Variants in SNAP29 observed in about 807,000 individuals in gnomAD.
The protein encoded by SNAP29 is synaptosome associated protein 29, also known as synaptosomal-associated protein 29.
A neutral mutation model predicts 27.9 loss-of-function variants in SNAP29; 13 were observed. The observed-to-expected ratio is 0.47, with a 90% CI of 0.30 to 0.74. The LOEUF is 0.74. Ranked by LOEUF, SNAP29 falls within the 30% of genes least tolerant of loss-of-function variation. The pLI is 0.06. For missense variants in SNAP29, 368 were observed against 336.5 expected (o/e 1.09, Z -0.73); for synonymous variants, 119 against 127.1 (o/e 0.94, Z 0.43).
At chr22:20,875,959 A>G (rs1272374046) in intron 2 of SNAP29, among the ~76,000 whole-genome samples, 1 of 152,006 alleles carries the variant, frequency 6.6e-6, no homozygotes, top group East Asian at 1.9e-4. Context: ...CAGGAGATCG[A>G]GACCATCCTA....
chr22:20,869,467 G>T (rs2147863551), intron 1 of SNAP29, among the ~76,000 whole-genome samples: 1 of 152,298 alleles, frequency 6.6e-6, no homozygotes, highest in Middle Eastern at 3.4e-3. Context: ...CTGGGACAGG[G>T]TCACCCGTGT....
At chr22:20,859,469 T>G (rs1200784981) in intron 1 of SNAP29, 122 bp downstream of exon 1, 1 of 774,226 alleles carries the variant, frequency 1.3e-6, no homozygotes, top group Admixed American at 2.0e-5. Context: ...TTCTTGCACC[T>G]TAGTGACTCG....
intron 2 of SNAP29, among the ~76,000 whole-genome samples, chr22:20,876,292 C>G (rs986543301): frequency 5.3e-5 from 7 of 132,120 alleles, no homozygotes; most frequent in African/African-American, 2.0e-4. Flanking sequence ...ATGTCTCGCT[C>G]TGTCGCCCAG....
Position 20,890,319 on chromosome 22 carries a change from T to C in SNAP29, c.*2483T>C, listed in dbSNP as rs1473562132. ...ACACATTTCATGGAGACAAGCAAAA[T>C]GGTGCCAGGGCTGGGCTGACTGTGG... On this transcript the variant is annotated 3_prime_UTR_variant, in exon 5 of 5. Transcript: ENST00000215730. The C allele has an allele frequency of 2.5e-6, 1 of 398,398 alleles. No homozygotes were observed. The highest frequency in any genetic ancestry group is 4.4e-6 in the Non-Finnish European group (1 of 226,054). 24.7% of individuals were successfully genotyped at this position (398,398 alleles called of 1,614,324 possible). A position where few individuals can be genotyped will look rare whatever the true frequency, so the allele number is the denominator to read the frequency against.
chr22:20,870,402 T>G lies in SNAP29; in HGVS notation c.303T>G (p.Asp101Glu). Residue 101 changes from aspartate (D) to glutamate (E), a missense_variant, in exon 2 of 5, where the codon GAT becomes GAG. By Grantham distance (45) the Asp-to-Glu change is conservative (BLOSUM62 2). Transcript: ENST00000215730. ...TEKMVDKMDQ[D>E]LKISQKHINS... Reference sequence around the variant, plus strand: ...AGATGGTGGACAAGATGGACCAAGATTTGAAGATCAGCCAGAAACACATCA... The same window carrying G: ...AGATGGTGGACAAGATGGACCAAGAGTTGAAGATCAGCCAGAAACACATCA... 1.2e-6 allele frequency: 2 copies of G among 1,614,024 alleles called. No homozygotes were observed. Among genetic ancestry groups the G allele is most frequent in the Non-Finnish European group, 1.7e-6 (2 of 1,179,980 alleles).
At chr22:20,861,084 G>C (rs1419540245) in intron 1 of SNAP29, among the ~76,000 whole-genome samples, 1 of 145,558 alleles carries the variant, frequency 6.9e-6, no homozygotes, top group Non-Finnish European at 1.5e-5. Context: ...ACCTCTCTCT[G>C]TTCATGTATC....
rs910875696 is a variant in SNAP29 at position 20,870,394 on chromosome 22, G to T, written c.295G>T (p.Asp99Tyr). 1.9e-6 allele frequency: 3 copies of T among 1,614,112 alleles called. No individual in the cohort carries two copies. The highest frequency in any genetic ancestry group is 2.7e-5 in the African/African-American group (2 of 75,000). The change falls in exon 2 of 5, where the codon GAC (aspartate) becomes TAC (tyrosine). Residue 99 changes from aspartate (D) to tyrosine (Y), a missense_variant. Physicochemically the swap from Asp to Tyr is radical, Grantham distance 160. Coordinates refer to ENST00000215730, the MANE Select transcript of SNAP29 (RefSeq NM_004782.4). ...ERTEKMVDKM[D>Y]QDLKISQKHI... ...CACAGAGAAGATGGTGGACAAGATG[G>T]ACCAAGATTTGAAGATCAGCCAGAA...
intron 4 of SNAP29, among the ~76,000 whole-genome samples, chr22:20,886,112 C>CT (rs362122): frequency 0.04 from 5,869 of 145,712 alleles, 138 homozygotes; most frequent in East Asian, 0.11. Context: ...GAAGACTTAT[C>CT]TTTTTTTTTT....
chr22:20,882,263 A>G (rs965315436), intron 3 of SNAP29, among the ~76,000 whole-genome samples: 1 of 151,588 alleles, frequency 6.6e-6, no homozygotes, highest in Non-Finnish European at 1.5e-5. Context: ...GGACTAATAC[A>G]GCCTCCAGCC....
At chr22:20,887,535 A>C in intron 4 of SNAP29, 144 bp from the exon 5 acceptor site, 1 of 844,908 alleles carries the variant, frequency 1.2e-6, no homozygotes, top group Non-Finnish European at 2.0e-6. Flanking sequence ...AGAATCAATT[A>C]AGTCAAGACT....
intron 2 of SNAP29, among the ~76,000 whole-genome samples, chr22:20,874,717 T>A (rs1928699715): frequency 6.6e-6 from 1 of 152,070 alleles, no homozygotes; most frequent in South Asian, 2.1e-4. Context: ...ATAATCACCA[T>A]TCTGGGTTCT....
chr22:20,859,048 C>T lies in SNAP29; in HGVS notation c.-63C>T, dbSNP rs1928103239. 11 of 1,459,902 alleles carry T rather than the reference C, an allele frequency of 7.5e-6. No homozygotes were observed. The highest frequency in any genetic ancestry group is 5.7e-5 in the Admixed American group (3 of 52,456). The allele number at this position is 1,459,902 out of a possible 1,614,324, so 90.4% of individuals were successfully genotyped here. A position where few individuals can be genotyped will look rare whatever the true frequency, so the allele number is the denominator to read the frequency against. ...CGGGGTCGGCGGGCGGGGCGAGGCC[C>T]TGGACGGCGGCGGCAGTGGGGCTCC... On this transcript the variant is annotated 5_prime_UTR_variant, in exon 1 of 5. Coordinates refer to ENST00000215730, the MANE Select transcript of SNAP29 (RefSeq NM_004782.4).
At chr22:20,863,809 C>T (rs1168278159) in intron 1 of SNAP29, among the ~76,000 whole-genome samples, 1 of 152,164 alleles carries the variant, frequency 6.6e-6, no homozygotes, top group Non-Finnish European at 1.5e-5. Flanking sequence ...AGGCACTTTC[C>T]CTCCTTCAGT....
intron 4 of SNAP29, among the ~76,000 whole-genome samples, chr22:20,886,370 C>T (rs1929015922): frequency 6.6e-6 from 1 of 151,164 alleles, no homozygotes; most frequent in Admixed American, 6.6e-5. Flanking sequence ...TGCAGTGGCA[C>T]AATCTCAGCT....
intron 1 of SNAP29, among the ~76,000 whole-genome samples, chr22:20,868,516 C>G (rs528004374): frequency 6.6e-6 from 1 of 152,194 alleles, no homozygotes; most frequent in Non-Finnish European, 1.5e-5. Context: ...TTTAAGGAAG[C>G]CACAACCATT....
chr22:20,867,222 G>A (rs966101571), intron 1 of SNAP29, among the ~76,000 whole-genome samples: 13 of 152,140 alleles, frequency 8.5e-5, no homozygotes, highest in Non-Finnish European at 1.3e-4. Context: ...TTGCATGTGC[G>A]TCCTTTACAC....
chr22:20,868,876 G>T (rs1265671066), intron 1 of SNAP29, among the ~76,000 whole-genome samples: 2 of 152,196 alleles, frequency 1.3e-5, no homozygotes, highest in Non-Finnish European at 2.9e-5. Context: ...AGAACCATCA[G>T]CTCTGGAGGG....
At chr22:20,867,035 A>G (rs937211687) in intron 1 of SNAP29, among the ~76,000 whole-genome samples, 12 of 152,226 alleles carry the variant, frequency 7.9e-5, no homozygotes, top group Admixed American at 3.9e-4. Flanking sequence ...AATGTTGTCA[A>G]CAAATGAAAA....
intron 2 of SNAP29, among the ~76,000 whole-genome samples, chr22:20,875,908 C>T (rs1241929258): frequency 1.3e-5 from 2 of 151,956 alleles, no homozygotes; most frequent in East Asian, 3.9e-4. Flanking sequence ...CGCCTGTAAT[C>T]CCAGCACTTT....
Sources: gnomAD v4.1 joint callset for allele counts (sites outside exome capture counted in the v4.1 genomes callset) on GRCh38, gnomAD v4.1.1 for gene constraint, MANE v1.5 for transcripts, NCBI Gene and HGNC (gene_info 2026-07-23, HGNC 2026-07-21) for gene names.